Variants in DACT3 observed in about 807,000 individuals in gnomAD.
The protein encoded by DACT3 is dapper homolog 3.
In DACT3, 5 loss-of-function variants were observed where a neutral mutation model predicts 19.6. The ratio of observed to expected loss-of-function variants is 0.26; its 90% CI spans 0.13 to 0.54. The LOEUF (loss-of-function observed/expected upper bound fraction) is 0.54. DACT3 is among the 20% of genes least tolerant of loss of function. The probability of loss-of-function intolerance (pLI) is 0.95; values close to 1 mark genes in which losing one functional copy is unlikely to be tolerated. For missense variants in DACT3, 908 were observed against 927.4 expected (o/e 0.98, Z 0.27); for synonymous variants, 454 against 428.1 (o/e 1.06, Z -0.75).
At position 46,649,405 on chromosome 19, in the gene DACT3, C is replaced by T; in HGVS notation, c.967G>A (p.Ala323Thr). ...HPTSPAALSR[A>T]WASSWESEAA... ...TCCGACTCCCACGACGACGCCCAGGCGCGGCTCAAGGCGGCAGGGCTGGTG... is the reference window on the plus strand; with the variant it reads ...TCCGACTCCCACGACGACGCCCAGGTGCGGCTCAAGGCGGCAGGGCTGGTG... The change falls in exon 4 of 4, where the codon GCC becomes ACC. Residue 323 changes from alanine (A) to threonine (T), a missense_variant. Ala to Thr is a moderately conservative substitution (Grantham distance 58, BLOSUM62 0). Transcript: ENST00000391916. 2.3e-6 allele frequency: 3 copies of T among 1,286,086 alleles called. No homozygotes were observed. Among genetic ancestry groups the T allele is most frequent in the East Asian group, 7.5e-5 (2 of 26,704 alleles). 79.7% of individuals were successfully genotyped at this position (1,286,086 alleles called of 1,614,324 possible).
chr19:46,652,489 T>G (rs2052995389), intron 3 of DACT3, 171 bp downstream of exon 3: 7 of 780,288 alleles, frequency 9.0e-6, no homozygotes, highest in Non-Finnish European at 1.4e-5. Flanking sequence ...ATATTTCATT[T>G]TAACAGATGG....
At chr19:46,652,387 G>C in intron 3 of DACT3, 1 of 467,146 alleles carries the variant, frequency 2.1e-6, no homozygotes, top group Non-Finnish European at 3.8e-6. Context: ...GTTTCACTAT[G>C]TTGGCCAGGC....
At chr19:46,655,094 C>T (rs2053022912) in intron 1 of DACT3, 1 of 982,634 alleles carries the variant, frequency 1.0e-6, no homozygotes, top group African/African-American at 1.7e-5. Flanking sequence ...CACTGGCATG[C>T]TCACTCCCCT....
rs1036104855 is a variant in DACT3, at chr19:46,648,609, C to A, written c.1763G>T (p.Gly588Val). 2.5e-6 allele frequency: 4 copies of A among 1,613,226 alleles called. No homozygotes were observed. The East Asian group carries it at 8.9e-5, about 36-fold the overall frequency. Residue 588 changes from glycine to valine, a missense_variant, in exon 4 of 4, where the codon GGT becomes GTT. Coordinates refer to ENST00000391916, the MANE Select transcript of DACT3 (RefSeq NM_145056.3). The surrounding 1 kb of genome is among the most constrained non-coding windows in gnomAD (Gnocchi z 5.1). ...QLVAATAASG[G>V]GAGAGAPAGP... Reference sequence around the variant, plus strand: ...TGCGGGCGCCCCTGCACCTGCTCCACCCCCAGAGGCCGCGGTGGCCGCCAC... The same window carrying A: ...TGCGGGCGCCCCTGCACCTGCTCCAACCCCAGAGGCCGCGGTGGCCGCCAC...
rs2052967289 is a variant in DACT3, at chr19:46,650,010, T to TTGTAA, written c.500-139_500-138insTTACA. On this transcript the variant is annotated intron_variant, in intron 3 of 3. Transcript: ENST00000391916. ...CCTCATCGCAGCAAAAACCCTGCTC[T>TTGTAA]CACACCTTCCTTCTTGTAAAATTCA... 3.1e-6 allele frequency: 3 copies of TTGTAA among 975,110 alleles called. No homozygotes were observed. The African/African-American group carries it at 5.2e-5, about 17-fold the overall frequency. 60.4% of individuals were successfully genotyped at this position (975,110 alleles called of 1,614,324 possible).
chr19:46,654,602 C>T, intron 1 of DACT3: 1 of 985,396 alleles, frequency 1.0e-6, no homozygotes, highest in Admixed American at 6.1e-5. Context: ...GACTTAATCT[C>T]ATTTTAGAAA....
intron 1 of DACT3, 139 bp from the exon 2 acceptor site, chr19:46,653,214 C>T (rs1599790584): frequency 1.6e-6 from 2 of 1,264,644 alleles, no homozygotes; most frequent in East Asian, 5.1e-5. Flanking sequence ...GTACCTCAGT[C>T]CCAGGACCCC....
At chr19:46,649,962 C>A in intron 3 of DACT3, 90 bp from the exon 4 acceptor site, 2 of 1,258,982 alleles carry the variant, frequency 1.6e-6, no homozygotes, top group Non-Finnish European at 1.0e-6. Flanking sequence ...CCGGAAGGGG[C>A]GGGTTGCCTC....
intron 1 of DACT3, among the ~76,000 whole-genome samples, chr19:46,658,261 G>A (rs556138970): frequency 5.0e-4 from 76 of 151,732 alleles, no homozygotes; most frequent in African/African-American, 1.8e-3. Flanking sequence ...CAAATGTGGC[G>A]GTGTGCACCT....
intron 1 of DACT3, among the ~76,000 whole-genome samples, chr19:46,653,443 G>T (rs761735505): frequency 1.3e-5 from 2 of 152,012 alleles, no homozygotes; most frequent in Non-Finnish European, 2.9e-5. Flanking sequence ...CTTCAGGATT[G>T]CTGTAAGGAC....
chr19:46,650,084 C>G (rs2052968084), intron 3 of DACT3: 2 of 386,494 alleles, frequency 5.2e-6, no homozygotes, highest in Non-Finnish European at 4.4e-6. Flanking sequence ...ACTTGTCCTG[C>G]CTCTGCCTCT....
At chr19:46,659,929 G>A (rs1230574523) in intron 1 of DACT3, among the ~76,000 whole-genome samples, 1 of 152,188 alleles carries the variant, frequency 6.6e-6, no homozygotes. Context: ...CAGAGACAGA[G>A]AGACAGGATG....
chr19:46,659,284 A>G, intron 1 of DACT3: 1 of 983,160 alleles, frequency 1.0e-6, no homozygotes, highest in Non-Finnish European at 1.2e-6. Context: ...TGCCGGGAGG[A>G]CAGAGGGCTG....
Position 46,648,789 on chromosome 19 carries a change from C to G in DACT3, c.1583G>C (p.Arg528Pro). The change falls in exon 4 of 4, where the codon CGC (arginine) becomes CCC (proline). Residue 528 changes from arginine (R) to proline (P), a missense_variant. This residue lies in a region of DACT3 where 656 missense variants were observed against 601.8 expected (regional missense o/e 1.09). Transcript: ENST00000391916. The surrounding 1 kb of genome is among the most constrained non-coding windows in gnomAD (Gnocchi z 5.1). Reference sequence around the variant, plus strand: ...CCCCCGGCGTCCCAGGGGCCCCAGGCGCCCAGCCGAGCACTCGGAGTCGCT... The same window carrying G: ...CCCCCGGCGTCCCAGGGGCCCCAGGGGCCCAGCCGAGCACTCGGAGTCGCT... ...AGSDSECSAG[R>P]LGPLGRRGPA... The G allele has an allele frequency of 4.5e-6, 7 of 1,543,152 alleles. No homozygotes were observed. The highest frequency in any genetic ancestry group is 6.1e-6 in the Non-Finnish European group (7 of 1,151,758).
intron 3 of DACT3, 89 bp from the exon 4 acceptor site, chr19:46,649,961 G>A: frequency 7.9e-7 from 1 of 1,264,620 alleles, no homozygotes; most frequent in Non-Finnish European, 1.0e-6. Context: ...CCCGGAAGGG[G>A]CGGGTTGCCT....
chr19:46,659,356 T>G (rs1599794481), intron 1 of DACT3: 1 of 946,010 alleles, frequency 1.1e-6, no homozygotes, highest in African/African-American at 1.8e-5. Context: ...ATGGGGAAGG[T>G]GAAGGGTGAA....
rs958081299 is a variant in DACT3 at position 46,648,783 on chromosome 19, C to A, written c.1589G>T (p.Gly530Val). 6.5e-7 allele frequency: 1 copy of A among 1,545,864 alleles called. No homozygotes were observed. The highest frequency in any genetic ancestry group is 8.7e-7 in the Non-Finnish European group (1 of 1,152,954). ...CGCAGGCCCCCGGCGTCCCAGGGGC[C>A]CCAGGCGCCCAGCCGAGCACTCGGA... Reference protein sequence around the residue: ...SDSECSAGRLGPLGRRGPAGG... With the variant: ...SDSECSAGRLVPLGRRGPAGG... The change falls in exon 4 of 4, where the codon GGG becomes GTG. Residue 530 changes from glycine to valine, a missense_variant. By Grantham distance (109) the Gly-to-Val change is moderately radical. Coordinates refer to ENST00000391916, the MANE Select transcript of DACT3 (RefSeq NM_145056.3). The surrounding 1 kb of genome is among the most constrained non-coding windows in gnomAD (Gnocchi z 5.1).
At chr19:46,658,791 G>T (rs184152393) in intron 1 of DACT3, among the ~76,000 whole-genome samples, 2 of 152,012 alleles carry the variant, frequency 1.3e-5, no homozygotes, top group East Asian at 3.9e-4. Context: ...CGTGCCCCTC[G>T]TTGGTATCCA....
intron 1 of DACT3, among the ~76,000 whole-genome samples, chr19:46,655,345 C>T (rs1235224924): frequency 6.6e-6 from 1 of 152,038 alleles, no homozygotes; most frequent in African/African-American, 2.4e-5. Context: ...GGCTCGGTGG[C>T]TCACGCCTGT....
Sources: allele counts gnomAD v4.1 joint callset (sites outside exome capture counted in the v4.1 genomes callset), GRCh38; gene constraint gnomAD v4.1.1; regional missense constraint gnomAD v4.1.1; non-coding constraint Gnocchi (gnomAD v3.1); transcripts MANE v1.5; gene names NCBI Gene and HGNC (gene_info 2026-07-23, HGNC 2026-07-21).